The following EVL variants were observed in gnomAD, a reference collection of about 807,000 sequenced individuals.
EVL encodes ena/VASP-like protein.
EVL carries 21 observed loss-of-function variants against 59.6 expected under a neutral mutation model. The observed-to-expected ratio is 0.35, with a 90% CI of 0.25 to 0.51. The LOEUF (loss-of-function observed/expected upper bound fraction) is 0.51, where lower values mean the gene tolerates loss of function less well. EVL is among the 20% of genes least tolerant of loss of function. The probability of loss-of-function intolerance (pLI) is 0.97; values close to 1 mark genes in which losing one functional copy is unlikely to be tolerated. For synonymous variants in EVL, 198 were observed against 203.5 expected (o/e 0.97, Z 0.23); for missense variants, 462 against 546.6 (o/e 0.85, Z 1.54).
intron 1 of EVL, among the ~76,000 whole-genome samples, chr14:99,995,289 A>G (rs992112529): frequency 6.6e-6 from 1 of 152,116 alleles, no homozygotes; most frequent in African/African-American, 2.4e-5. Flanking sequence ...ATGGTAGTCG[A>G]TAAGTTCTTT....
chr14:100,058,445 C>G (rs922317603), intron 1 of EVL, among the ~76,000 whole-genome samples: 5 of 152,158 alleles, frequency 3.3e-5, no homozygotes, highest in South Asian at 2.1e-4. Flanking sequence ...GTACCTACTA[C>G]CTAAGCAGTA....
chr14:100,098,933 T>C (rs1886003636), intron 3 of EVL, among the ~76,000 whole-genome samples: 1 of 152,184 alleles, frequency 6.6e-6, no homozygotes, highest in Non-Finnish European at 1.5e-5. Context: ...ACAACTCTAT[T>C]AGCATTTGTG....
At chr14:99,977,624 C>T (rs549323035) in intron 1 of EVL, among the ~76,000 whole-genome samples, 21 of 152,132 alleles carry the variant, frequency 1.4e-4, no homozygotes, top group Non-Finnish European at 1.9e-4. Context: ...TTAGTAGAGA[C>T]GGGGTTTCCC....
At chr14:100,140,845 T>G (rs776600181) in intron 11 of EVL, 6 of 221,570 alleles carry the variant, frequency 2.7e-5, no homozygotes, top group Non-Finnish European at 4.4e-5. Flanking sequence ...AATACTGTGT[T>G]TCTTTCCAGG....
intron 1 of EVL, among the ~76,000 whole-genome samples, chr14:99,986,986 C>T (rs868315524): frequency 1.1e-4 from 16 of 152,176 alleles, no homozygotes; most frequent in South Asian, 4.1e-4. Context: ...TCTGTGTGAC[C>T]TTATGTTAGA....
chr14:100,005,668 CA>C lies in EVL; in HGVS notation c.5+33612del, dbSNP rs1364359236. Among the ~76,000 whole-genome samples the C allele has an allele frequency of 1.1e-3, 159 of 151,378 alleles. No individual in the cohort carries two copies. In the East Asian group the frequency reaches 0.013, roughly 13 times the overall value. ...ACACACACACACACACACACACACA[CA>C]CCCCTTGGATGTTACCTTTTAATTA... On this transcript the variant is annotated intron_variant, in intron 1 of 13. Coordinates refer to the EVL transcript ENST00000402714.
chr14:100,046,024 T>A (rs956734239), intron 1 of EVL, among the ~76,000 whole-genome samples: 1 of 152,194 alleles, frequency 6.6e-6, no homozygotes, highest in Non-Finnish European at 1.5e-5. Context: ...TTGATTTGAT[T>A]TTCCCCCATT....
At chr14:99,994,732 C>G (rs79818540) in intron 1 of EVL, among the ~76,000 whole-genome samples, 3,270 of 152,158 alleles carry the variant, frequency 0.021, 59 homozygotes, top group Admixed American at 0.055. Context: ...ACATATTTAC[C>G]TTTACCAGGG....
intron 1 of EVL, among the ~76,000 whole-genome samples, chr14:99,981,893 A>G (rs1336414297): frequency 6.6e-6 from 1 of 152,224 alleles, no homozygotes; most frequent in African/African-American, 2.4e-5. Context: ...AGTGAAGCCC[A>G]ATGAAACGAG....
At chr14:100,036,504 G>A (rs946354096) in intron 1 of EVL, among the ~76,000 whole-genome samples, 2 of 152,126 alleles carry the variant, frequency 1.3e-5, no homozygotes, top group African/African-American at 4.8e-5. Flanking sequence ...TGGCAGCCTT[G>A]ACCATGTGCA....
chr14:100,087,093 T>C (rs1165892210), intron 2 of EVL, among the ~76,000 whole-genome samples: 1 of 152,262 alleles, frequency 6.6e-6, no homozygotes, highest in African/African-American at 2.4e-5. Flanking sequence ...TTTAATGCTC[T>C]TTATGGTTAA....
At chr14:100,102,562 G>C in intron 3 of EVL, 2 of 350,578 alleles carry the variant, frequency 5.7e-6, no homozygotes, top group Non-Finnish European at 1.1e-5. Flanking sequence ...CAGATTCCTT[G>C]GCTCTTCCTC....
intron 9 of EVL, 141 bp from the exon 10 acceptor site, chr14:100,137,437 T>G (rs1269415866): frequency 2.4e-6 from 2 of 842,942 alleles, no homozygotes; most frequent in African/African-American, 3.3e-5. Flanking sequence ...AGGTTTTGGC[T>G]TAACTCAATC....
chr14:100,076,997 T>C (rs937209557), intron 1 of EVL, among the ~76,000 whole-genome samples: 6 of 152,080 alleles, frequency 3.9e-5, no homozygotes, highest in African/African-American at 1.4e-4. Context: ...AAGATATGGG[T>C]AGATAAAGGA....
chr14:100,052,179 T>G (rs566970983), intron 1 of EVL, among the ~76,000 whole-genome samples: 1 of 152,342 alleles, frequency 6.6e-6, no homozygotes, highest in South Asian at 2.1e-4. Flanking sequence ...TTCACTGTGA[T>G]GTGTATAGCA....
At chr14:100,062,429 T>TA (rs563713209), upstream of EVL, among the ~76,000 whole-genome samples, 1,708 of 144,204 alleles carry the variant, frequency 0.012, 12 homozygotes, top group Non-Finnish European at 0.02. Context: ...GAAAGACCTC[T>TA]AAAAAAAAAA....
intron 1 of EVL, among the ~76,000 whole-genome samples, chr14:100,082,520 G>A (rs543756547): frequency 6.6e-6 from 1 of 152,282 alleles, no homozygotes; most frequent in South Asian, 2.1e-4. Context: ...GAACAAGGAG[G>A]GGTTGTCTAA....
At chr14:99,998,511 C>CAT (rs747111000) in intron 1 of EVL, among the ~76,000 whole-genome samples, 5 of 152,038 alleles carry the variant, frequency 3.3e-5, no homozygotes, top group East Asian at 1.9e-4. Context: ...TACACACACA[C>CAT]ATATATATAC....
Position 99,979,863 on chromosome 14 carries a change from C to T in EVL, c.5+7806C>T, listed in dbSNP as rs951478068. ...CAGCCTGGGCGAACAGAGCGAGACT[C>T]CGTCTCAAAAATAAATAAATAAAAA... On this transcript the variant is annotated intron_variant, in intron 1 of 13. Coordinates refer to the EVL transcript ENST00000402714. Among the ~76,000 whole-genome samples the T allele has an allele frequency of 3.3e-5, 5 of 152,236 alleles. No individual in the cohort carries two copies. In the East Asian group the frequency reaches 9.6e-4, roughly 29 times the overall value.
Sources: allele counts gnomAD v4.1 joint callset (sites outside exome capture counted in the v4.1 genomes callset), GRCh38; gene constraint gnomAD v4.1.1; transcripts MANE v1.5; gene names NCBI Gene and HGNC (gene_info 2026-07-23, HGNC 2026-07-21).